The following STEAP1 variants were observed in gnomAD, a reference collection of about 807,000 sequenced individuals.
The protein encoded by STEAP1 is STEAP family member 1, also known as STEAP1 protein.
A neutral mutation model predicts 34.4 loss-of-function variants in STEAP1; 30 were observed. That is an observed-to-expected ratio of 0.87 (90% CI 0.65 to 1.18). STEAP1 has a LOEUF of 1.18. Ranked by LOEUF, STEAP1 falls within the 50% of genes most tolerant of loss-of-function variation. STEAP1 has a pLI of 0.00. For synonymous variants in STEAP1, 116 were observed against 135.3 expected (o/e 0.86, Z 0.99); for missense variants, 318 against 391.1 (o/e 0.81, Z 1.58).
Position 90,164,614 on chromosome 7 carries a change from T to A in STEAP1, c.900T>A (p.Val300=), listed in dbSNP as rs770812027. The part of the protein sequence containing the change: ...TFMIAVFLPI[V]VLIFKSILFL... ...TGATAGCTGTTTTCCTTCCAATTGT[T>A]GTCCTGATATTTAAAAGCATACTAT... The change falls in exon 5 of 5, where the codon GTT becomes GTA. Residue 300 remains valine (V), a synonymous_variant. Transcript: ENST00000297205. The A allele has an allele frequency of 6.2e-7, 1 of 1,613,854 alleles. No homozygotes were observed. Among genetic ancestry groups the A allele is most frequent in the Non-Finnish European group, 8.5e-7 (1 of 1,179,854 alleles).
At chr7:90,163,054 G>A (rs1293207267) in intron 4 of STEAP1, 2 of 411,262 alleles carry the variant, frequency 4.9e-6, no homozygotes, top group Admixed American at 2.5e-5. Context: ...ATTTAATTCA[G>A]TCATGAACAC....
At chr7:90,162,214 A>T (rs1446832187) in intron 4 of STEAP1, 136 bp downstream of exon 4, 9 of 1,325,352 alleles carry the variant, frequency 6.8e-6, no homozygotes, top group Non-Finnish European at 8.8e-6. Flanking sequence ...CCAATTAATA[A>T]TGTGCTCTCC....
At chr7:90,160,721 A>G (rs1794170427) in intron 2 of STEAP1, 84 bp from the exon 3 acceptor site, 9 of 1,523,464 alleles carry the variant, frequency 5.9e-6, no homozygotes, top group East Asian at 4.5e-5. Flanking sequence ...TGAGAAGCAC[A>G]ATGATTGAGC....
intron 1 of STEAP1, among the ~76,000 whole-genome samples, chr7:90,156,192 C>A (rs1195352819): frequency 3.9e-5 from 6 of 152,208 alleles, no homozygotes; most frequent in African/African-American, 1.4e-4. Flanking sequence ...ATCTTCTAAA[C>A]ATAGTGAATT....
chr7:90,162,380 G>A, intron 4 of STEAP1: 1 of 270,128 alleles, frequency 3.7e-6, no homozygotes, highest in Non-Finnish European at 6.4e-6. Flanking sequence ...CCATGCTGGA[G>A]TACAGTGGCA....
chr7:90,164,064 G>C (rs1794218858), intron 4 of STEAP1, among the ~76,000 whole-genome samples: 1 of 152,124 alleles, frequency 6.6e-6, no homozygotes, highest in Non-Finnish European at 1.5e-5. Context: ...ACAAATCATT[G>C]TGTTGATTCT....
At chr7:90,160,753 A>C (rs1794170724) in intron 2 of STEAP1, 52 bp from the exon 3 acceptor site, 1 of 1,566,004 alleles carries the variant, frequency 6.4e-7, no homozygotes, top group East Asian at 2.3e-5. Flanking sequence ...AGTTCAAGAG[A>C]TATCCCATTG....
rs1794157564 is a variant in STEAP1 at position 90,159,749 on chromosome 7, T to G, written c.-31-9T>G. ...ATGGACATGAAAGTAATTATTTTTA[T>G]TTTTACAGGTGGCTGAAGCCATACT... is the stretch of plus-strand genomic sequence containing the variant. On this transcript the variant is annotated splice_polypyrimidine_tract_variant and intron_variant, in intron 1 of 4. Transcript: ENST00000297205. 1 of 1,375,858 alleles carries G rather than the reference T, an allele frequency of 7.3e-7. No homozygotes were observed. Among genetic ancestry groups the G allele is most frequent in the African/African-American group, 1.5e-5 (1 of 67,478 alleles). 85.2% of individuals were successfully genotyped at this position (1,375,858 alleles called of 1,614,324 possible).
chr7:90,156,881 G>T (rs1379740270), intron 1 of STEAP1, among the ~76,000 whole-genome samples: 1 of 152,146 alleles, frequency 6.6e-6, no homozygotes, highest in African/African-American at 2.4e-5. Context: ...ACAGCCTATG[G>T]AACCATGAGC....
chr7:90,159,271 A>G (rs1407517266), intron 1 of STEAP1, among the ~76,000 whole-genome samples: 1 of 152,230 alleles, frequency 6.6e-6, no homozygotes, highest in Non-Finnish European at 1.5e-5. Flanking sequence ...CTCTTACTCC[A>G]AAAGAAAAAT....
Position 90,160,800 on chromosome 7 carries a change from T to C in STEAP1, c.85-5T>C. Reference sequence around the variant, plus strand: ...TTTAAGATGTTAATTTTCTTTCCTTTGTAGCATAAGGACACGGGAGAGACC... The same window carrying C: ...TTTAAGATGTTAATTTTCTTTCCTTCGTAGCATAAGGACACGGGAGAGACC... On this transcript the variant is annotated splice_region_variant and splice_polypyrimidine_tract_variant and intron_variant, in intron 2 of 4. Coordinates refer to ENST00000297205, the MANE Select transcript of STEAP1 (RefSeq NM_012449.3). The C allele has an allele frequency of 6.2e-7, 1 of 1,607,074 alleles. No individual in the cohort carries two copies. Among genetic ancestry groups the C allele is most frequent in the Non-Finnish European group, 8.5e-7 (1 of 1,175,930 alleles).
intron 2 of STEAP1, 134 bp downstream of exon 2, chr7:90,160,006 G>A (rs1016512705): frequency 1.6e-5 from 8 of 504,638 alleles, no homozygotes; most frequent in South Asian, 3.8e-5. Flanking sequence ...TTGGATTACC[G>A]TCACTGATAC....
At position 90,164,488 on chromosome 7, in the gene STEAP1, A is replaced by G; in HGVS notation, c.774A>G (p.Gly258=). The G allele has an allele frequency of 6.2e-7, 1 of 1,603,384 alleles. No individual in the cohort carries two copies. Among genetic ancestry groups the G allele is most frequent in the Middle Eastern group, 1.7e-4 (1 of 6,010 alleles). Residue 258 remains glycine (G), a synonymous_variant, in exon 5 of 5, where the codon GGA becomes GGG. Transcript: ENST00000297205. ...REFHYIQSKL[G]IVSLLLGTIH... The stretch of plus-strand genomic sequence containing the variant: ...TTTTTCTTTTGCAGAGCAAGCTAGG[A>G]ATTGTTTCCCTTCTACTGGGCACAA...
intron 1 of STEAP1, among the ~76,000 whole-genome samples, chr7:90,155,230 G>A (rs1284508733): frequency 2.7e-5 from 4 of 149,978 alleles, no homozygotes; most frequent in African/African-American, 9.8e-5. Flanking sequence ...TAAGCACAGA[G>A]GGAAAGCAAT....
chr7:90,154,830 GATT>G (rs1168973851), intron 1 of STEAP1, among the ~76,000 whole-genome samples: 1 of 152,240 alleles, frequency 6.6e-6, no homozygotes, highest in African/African-American at 2.4e-5. Context: ...GGTTGTGGTA[GATT>G]ATTAAGTTTG....
intron 4 of STEAP1, among the ~76,000 whole-genome samples, chr7:90,164,124 G>C (rs187606277): frequency 3.0e-4 from 45 of 152,274 alleles, no homozygotes; most frequent in African/African-American, 1.1e-3. Context: ...TAGGTATCCT[G>C]TGATAAGCAG....
intron 1 of STEAP1, among the ~76,000 whole-genome samples, chr7:90,155,259 GA>G (rs35647503): frequency 0.62 from 91,320 of 147,654 alleles, 28,979 homozygotes; most frequent in Non-Finnish European, 0.71. Flanking sequence ...ACAGCCCAGT[GA>G]AAAAAAAAAA....
intron 3 of STEAP1, 78 bp from the exon 4 acceptor site, chr7:90,161,836 G>C: frequency 3.3e-6 from 5 of 1,527,808 alleles, no homozygotes; most frequent in Non-Finnish European, 4.4e-6. Context: ...TAGGCACAGG[G>C]AAGAGTGTAG....
chr7:90,160,284 C>A (rs1412061798), intron 2 of STEAP1, among the ~76,000 whole-genome samples: 2 of 151,874 alleles, frequency 1.3e-5, no homozygotes, highest in Non-Finnish European at 2.9e-5. Flanking sequence ...TGGCAGCTTA[C>A]CAAGAGATCA....
Sources: allele counts gnomAD v4.1 joint callset (sites outside exome capture counted in the v4.1 genomes callset), GRCh38; gene constraint gnomAD v4.1.1; transcripts MANE v1.5; gene names NCBI Gene and HGNC (gene_info 2026-07-23, HGNC 2026-07-21).